The following ITGA8 variants were observed in gnomAD, a reference collection of about 807,000 sequenced individuals.
ITGA8 encodes integrin alpha-8.
Under a neutral mutation model 142.3 loss-of-function variants are expected in ITGA8, and 91 were observed. The observed-to-expected ratio is 0.64, with a 90% CI of 0.54 to 0.76. ITGA8 has a LOEUF of 0.76. Ranked by LOEUF, ITGA8 falls within the 30% of genes least tolerant of loss-of-function variation. ITGA8 has a pLI of 0.00. For synonymous variants in ITGA8, 505 were observed against 485.2 expected (o/e 1.04, Z -0.54); for missense variants, 1,406 against 1,327.7 (o/e 1.06, Z -0.92).
chr10:15,640,551 A>G (rs1180176630), intron 13 of ITGA8, among the ~76,000 whole-genome samples: 1 of 152,216 alleles, frequency 6.6e-6, no homozygotes, highest in Non-Finnish European at 1.5e-5. Flanking sequence ...TGACTGAACT[A>G]TAGGGTTTAG....
intron 15 of ITGA8, among the ~76,000 whole-genome samples, chr10:15,612,140 G>A (rs1833308995): frequency 6.6e-6 from 1 of 152,112 alleles, no homozygotes; most frequent in Admixed American, 6.5e-5. Context: ...TTAACCAAAT[G>A]TGCCCAGGGC....
At chr10:15,650,651 C>T (rs753286012) in intron 11 of ITGA8, among the ~76,000 whole-genome samples, 9 of 152,022 alleles carry the variant, frequency 5.9e-5, no homozygotes, top group South Asian at 2.1e-4. Context: ...ATCCAGTCTC[C>T]GGTATTCAAT....
chr10:15,675,783 G>A (rs944510666), intron 6 of ITGA8, among the ~76,000 whole-genome samples: 2 of 152,108 alleles, frequency 1.3e-5, no homozygotes, highest in Non-Finnish European at 2.9e-5. Context: ...TCCCCCAGTG[G>A]TTTTCCATAG....
chr10:15,590,724 T>C (rs770430335), intron 22 of ITGA8, among the ~76,000 whole-genome samples: 4 of 152,212 alleles, frequency 2.6e-5, no homozygotes, highest in Non-Finnish European at 4.4e-5. Context: ...TTGATATATT[T>C]TTACAGATAC....
intron 13 of ITGA8, among the ~76,000 whole-genome samples, chr10:15,630,167 A>G (rs1467622106): frequency 1.3e-5 from 2 of 152,058 alleles, no homozygotes; most frequent in Non-Finnish European, 2.9e-5. Context: ...TTTAAAGGGC[A>G]TCATCATCAT....
In ITGA8 at chr10:15,630,619, T is replaced by C. The variant is rs539069808; in HGVS notation, c.1399+13411A>G. ...AGTGTCTAAGTGGGAAATGAACTCC[T>C]GGGAAAATGGCCAGGGCACAGAGAG... is the stretch of plus-strand genomic sequence containing the variant. On this transcript the variant is annotated intron_variant, in intron 13 of 29. Transcript: ENST00000378076. Among the ~76,000 whole-genome samples, 11 of 152,052 alleles carry C rather than the reference T, an allele frequency of 7.2e-5. No individual in the cohort carries two copies. In the South Asian group the frequency reaches 2.3e-3, roughly 32 times the overall value.
At chr10:15,579,143 AT>A (rs1328658473) in intron 23 of ITGA8, among the ~76,000 whole-genome samples, 1 of 152,134 alleles carries the variant, frequency 6.6e-6, no homozygotes, top group African/African-American at 2.4e-5. Flanking sequence ...TGTATTAAAC[AT>A]TGAAACCAAT....
intron 13 of ITGA8, among the ~76,000 whole-genome samples, chr10:15,641,185 C>T (rs558219304): frequency 1.3e-5 from 2 of 152,152 alleles, no homozygotes; most frequent in Non-Finnish European, 2.9e-5. Context: ...GCCTGCGTAG[C>T]TGGGACTACA....
At chr10:15,533,776 C>T (rs1833360401) in intron 27 of ITGA8, among the ~76,000 whole-genome samples, 1 of 152,208 alleles carries the variant, frequency 6.6e-6, no homozygotes, top group Non-Finnish European at 1.5e-5. Flanking sequence ...GCATCATAGA[C>T]AGCATTTGAA....
intron 21 of ITGA8, among the ~76,000 whole-genome samples, chr10:15,596,048 T>C (rs1833007079): frequency 6.6e-6 from 1 of 152,174 alleles, no homozygotes; most frequent in South Asian, 2.1e-4. Flanking sequence ...TGAAACTCCA[T>C]CTCAAAATAA....
At chr10:15,559,337 A>G (rs972426017) in intron 25 of ITGA8, among the ~76,000 whole-genome samples, 9 of 152,202 alleles carry the variant, frequency 5.9e-5, no homozygotes, top group South Asian at 4.1e-4. Flanking sequence ...GATGTTCTGC[A>G]TGCTTGGTCT....
At chr10:15,526,655 C>T (rs1163626817) in intron 28 of ITGA8, among the ~76,000 whole-genome samples, 1 of 152,178 alleles carries the variant, frequency 6.6e-6, no homozygotes, top group Non-Finnish European at 1.5e-5. Context: ...CAATCTTGTG[C>T]CAGCTAGTCA....
intron 20 of ITGA8, among the ~76,000 whole-genome samples, chr10:15,600,698 A>AT (rs1349135293): frequency 2.0e-5 from 3 of 152,154 alleles, no homozygotes; most frequent in African/African-American, 4.8e-5. Context: ...AGAAAGATGG[A>AT]TTTTTTTCTA....
intron 27 of ITGA8, 25 bp from the exon 28 acceptor site, chr10:15,531,176 A>C (rs1833284151): frequency 8.2e-7 from 1 of 1,220,054 alleles, no homozygotes; most frequent in African/African-American, 1.6e-5. Flanking sequence ...ATTTATTTAA[A>C]TATATTTCAT....
At chr10:15,576,655 C>A (rs897149357) in intron 23 of ITGA8, among the ~76,000 whole-genome samples, 1 of 152,144 alleles carries the variant, frequency 6.6e-6, no homozygotes, top group East Asian at 1.9e-4. Context: ...TACTCTAGGG[C>A]AAGTAATTTA....
At chr10:15,669,893 C>T (rs1834476398) in intron 8 of ITGA8, among the ~76,000 whole-genome samples, 1 of 152,168 alleles carries the variant, frequency 6.6e-6, no homozygotes, top group Admixed American at 6.5e-5. Context: ...CAGAGGACTA[C>T]CCGGCCGTGT....
intron 23 of ITGA8, among the ~76,000 whole-genome samples, chr10:15,581,419 T>A (rs1274959107): frequency 1.3e-5 from 2 of 152,206 alleles, no homozygotes; most frequent in Admixed American, 6.5e-5. Context: ...AGTGTGTATT[T>A]CTTCCCTTGG....
intron 11 of ITGA8, among the ~76,000 whole-genome samples, chr10:15,652,447 A>ATTT (rs58299147): frequency 7.0e-4 from 102 of 145,508 alleles, no homozygotes; most frequent in African/African-American, 2.0e-3. Flanking sequence ...CCACAGTGGG[A>ATTT]TTTTTTTTTT....
At chr10:15,707,842 A>G (rs1411918286) in intron 2 of ITGA8, among the ~76,000 whole-genome samples, 1 of 151,750 alleles carries the variant, frequency 6.6e-6, no homozygotes, top group Non-Finnish European at 1.5e-5. Flanking sequence ...AAAAGGAAAG[A>G]AAAAGAAAAA....
Sources: allele counts gnomAD v4.1 joint callset (sites outside exome capture counted in the v4.1 genomes callset), GRCh38; gene constraint gnomAD v4.1.1; transcripts MANE v1.5; gene names NCBI Gene and HGNC (gene_info 2026-07-23, HGNC 2026-07-21).